JARID2: variants seen among roughly 807,000 people sequenced by gnomAD.
The protein encoded by JARID2 is protein Jumonji.
A neutral mutation model predicts 125.6 loss-of-function variants in JARID2; 21 were observed. That is an observed-to-expected ratio of 0.17 (90% CI 0.12 to 0.24). JARID2 has a LOEUF of 0.24. JARID2 is among the 10% of genes least tolerant of loss of function. The pLI is 1.00. For missense variants in JARID2, 1,303 were observed against 1,639.6 expected, an observed-to-expected ratio of 0.79 and a Z score of 3.55; for synonymous variants, 736 against 661.6, an observed-to-expected ratio of 1.11 and a Z score of -1.73.
intron 3 of JARID2, among the ~76,000 whole-genome samples, chr6:15,433,551 C>G (rs1034901517): frequency 6.6e-6 from 1 of 151,972 alleles, no homozygotes; most frequent in Non-Finnish European, 1.5e-5. Context: ...CTTATTAGAG[C>G]AAACAATGTG....
chr6:15,460,169 TGAA>T (rs1413875246), intron 4 of JARID2, among the ~76,000 whole-genome samples: 1 of 152,164 alleles, frequency 6.6e-6, no homozygotes, highest in Non-Finnish European at 1.5e-5. Flanking sequence ...CAGTTAATAA[TGAA>T]GAAATCTGAA....
chr6:15,486,165 G>T (rs925025248), intron 5 of JARID2, among the ~76,000 whole-genome samples: 1 of 152,236 alleles, frequency 6.6e-6, no homozygotes, highest in African/African-American at 2.4e-5. Context: ...GGAACAGGGT[G>T]TGCTTCCTCC....
At chr6:15,336,050 A>T (rs1358355601) in intron 1 of JARID2, among the ~76,000 whole-genome samples, 2 of 151,928 alleles carry the variant, frequency 1.3e-5, no homozygotes, top group Non-Finnish European at 2.9e-5. Flanking sequence ...GTGCCACTGC[A>T]CTCCAGTCTG....
chr6:15,513,351 C>G lies in JARID2; in HGVS notation c.3379C>G (p.Arg1127Gly). 6.2e-7 allele frequency: 1 copy of G among 1,613,486 alleles called. No homozygotes were observed. The highest frequency in any genetic ancestry group is 8.5e-7 in the Non-Finnish European group (1 of 1,179,816). The change falls in exon 16 of 18, where the codon CGA becomes GGA. Residue 1127 changes from arginine (R) to glycine (G), a missense_variant. By Grantham distance (125) the Arg-to-Gly change is moderately radical (BLOSUM62 -2). Transcript: ENST00000341776. ...STVADGKKKP[R>G]KWLQLETSER... ...GGTGGCGGACGGGAAGAAAAAGCCTCGAAAGTGGCTGCAGTTGGAGACGTC... is the reference window on the plus strand; with the variant it reads ...GGTGGCGGACGGGAAGAAAAAGCCTGGAAAGTGGCTGCAGTTGGAGACGTC...
At chr6:15,512,099 A>ATC (rs1222190153) in intron 13 of JARID2, 109 bp from the exon 14 acceptor site, 1 of 878,154 alleles carries the variant, frequency 1.1e-6, no homozygotes. Context: ...ACATAAAACA[A>ATC]TCTTATCTCC....
At chr6:15,340,378 C>A (rs990957047) in intron 1 of JARID2, among the ~76,000 whole-genome samples, 1 of 152,118 alleles carries the variant, frequency 6.6e-6, no homozygotes, top group Non-Finnish European at 1.5e-5. Flanking sequence ...GTGACTTGTG[C>A]GACATCATTG....
At chr6:15,378,454 G>A (rs769248222) in intron 2 of JARID2, among the ~76,000 whole-genome samples, 8 of 152,050 alleles carry the variant, frequency 5.3e-5, no homozygotes, top group Non-Finnish European at 1.0e-4. Context: ...TGCCTTCGAG[G>A]TTGGGGACAG....
At chr6:15,418,991 T>C (rs1766363930) in intron 3 of JARID2, among the ~76,000 whole-genome samples, 2 of 152,210 alleles carry the variant, frequency 1.3e-5, no homozygotes, top group African/African-American at 4.8e-5. Context: ...ATCTTCTTGA[T>C]AGCATGCATG....
intron 2 of JARID2, among the ~76,000 whole-genome samples, chr6:15,409,307 C>T (rs150688720): frequency 6.6e-6 from 1 of 152,310 alleles, no homozygotes; most frequent in Non-Finnish European, 1.5e-5. Flanking sequence ...AGATCAAGCA[C>T]CGTAAAACTG....
intron 4 of JARID2, among the ~76,000 whole-genome samples, chr6:15,464,523 G>A: frequency 6.6e-6 from 1 of 152,168 alleles, no homozygotes; most frequent in East Asian, 1.9e-4. Flanking sequence ...TGATGCCAAG[G>A]AGGACAGTCA....
chr6:15,359,897 G>T (rs552158269), intron 1 of JARID2, among the ~76,000 whole-genome samples: 1 of 152,030 alleles, frequency 6.6e-6, no homozygotes, highest in African/African-American at 2.4e-5. Context: ...GTCCTGGTCA[G>T]GTTGGTCTTG....
chr6:15,358,102 G>A (rs1763669241), intron 1 of JARID2, among the ~76,000 whole-genome samples: 1 of 152,176 alleles, frequency 6.6e-6, no homozygotes, highest in African/African-American at 2.4e-5. Flanking sequence ...GGGCATGTAT[G>A]TTAAAATTGG....
chr6:15,394,304 G>A (rs1029254601), intron 2 of JARID2, among the ~76,000 whole-genome samples: 8 of 152,264 alleles, frequency 5.3e-5, no homozygotes, highest in African/African-American at 1.7e-4. Flanking sequence ...ATGCAATGCA[G>A]CATTGGAGGG....
chr6:15,428,784 T>C (rs1355899831), intron 3 of JARID2, among the ~76,000 whole-genome samples: 2 of 151,952 alleles, frequency 1.3e-5, no homozygotes, highest in African/African-American at 4.8e-5. Context: ...CACACACGTG[T>C]AATCCCAGCT....
intron 2 of JARID2, among the ~76,000 whole-genome samples, chr6:15,382,950 A>C (rs557751263): frequency 6.6e-6 from 1 of 152,274 alleles, no homozygotes; most frequent in East Asian, 1.9e-4. Context: ...TAGGAGGGAC[A>C]CAGCACTCAG....
At chr6:15,408,208 C>T (rs943939376) in intron 2 of JARID2, among the ~76,000 whole-genome samples, 10 of 152,100 alleles carry the variant, frequency 6.6e-5, no homozygotes, top group South Asian at 4.2e-4. Context: ...GCTATGGTTG[C>T]GCCACTGCCC....
At chr6:15,474,446 A>G (rs377686721) in intron 5 of JARID2, among the ~76,000 whole-genome samples, 3 of 135,078 alleles carry the variant, frequency 2.2e-5, no homozygotes, top group East Asian at 2.2e-4. Context: ...GTCATCAGGA[A>G]CTTAGTTGCA....
At chr6:15,384,041 G>A (rs1054290664) in intron 2 of JARID2, among the ~76,000 whole-genome samples, 1 of 152,142 alleles carries the variant, frequency 6.6e-6, no homozygotes, top group African/African-American at 2.4e-5. Context: ...TAATCTGCTT[G>A]CCTCTGCCTC....
In JARID2 at chr6:15,347,413, A is replaced by G. The variant is rs1763278970; in HGVS notation, c.46-26704A>G. Among the ~76,000 whole-genome samples the G allele has an allele frequency of 2.0e-5, 3 of 152,214 alleles. No homozygotes were observed. The South Asian group carries it at 6.2e-4, about 32-fold the overall frequency. On this transcript the variant is annotated intron_variant, in intron 1 of 17. Coordinates refer to ENST00000341776, the MANE Select transcript of JARID2 (RefSeq NM_004973.4). ...ATGATTATTTTGTTTCATGCAAGCA[A>G]GCATTCTTCTCAGTATTTTAACCTT...
Sources: gnomAD v4.1 joint callset for allele counts (sites outside exome capture counted in the v4.1 genomes callset) on GRCh38, gnomAD v4.1.1 for gene constraint, MANE v1.5 for transcripts, NCBI Gene and HGNC (gene_info 2026-07-23, HGNC 2026-07-21) for gene names.